The following HIGD2B variants were observed in gnomAD, a reference collection of about 807,000 sequenced individuals.
The protein encoded by HIGD2B is HIG1 domain family member 2B.
For missense variants in HIGD2B, 106 were observed against 67.0 expected (o/e 1.58, Z -2.03); for synonymous variants, 45 against 28.1 (o/e 1.60, Z -1.90).
chr15:72,679,536 C>T (rs1459388202), intron 2 of HIGD2B, among the ~76,000 whole-genome samples: 1 of 152,010 alleles, frequency 6.6e-6, no homozygotes, highest in Admixed American at 6.6e-5. Context: ...GAATGAAAAT[C>T]TCAAGAGGTT....
rs752044026 is a variant in HIGD2B at position 72,676,059 on chromosome 15, G to T, written c.316C>A (p.Pro106Thr). Reference sequence around the variant, plus strand: ...GAGTTTTCAAGACCCTGGGCTCAGGGTGGAGACTTCATAGCGGTGGCAGCT... The same window carrying T: ...GAGTTTTCAAGACCCTGGGCTCAGGTTGGAGACTTCATAGCGGTGGCAGCT... ...GLAATAMKSP[P>T] Residue 106 changes from proline (P) to threonine (T), a missense_variant, in exon 3 of 3, where the codon CCC becomes ACC. Physicochemically the swap from Pro to Thr is conservative, Grantham distance 38. Transcript: ENST00000311755. 6.6e-6 allele frequency: 5 copies of T among 752,766 alleles called. No individual in the cohort carries two copies. The East Asian group carries it at 1.2e-4, about 19-fold the overall frequency. The allele number at this position is 752,766 out of a possible 1,614,324, so 46.6% of individuals were successfully genotyped here. A position where few individuals can be genotyped will look rare whatever the true frequency, so the allele number is the denominator to read the frequency against.
In HIGD2B at chr15:72,676,108, G is replaced by T; in HGVS notation, c.267C>A (p.Thr89=). 3.9e-6 allele frequency: 3 copies of T among 765,582 alleles called. No homozygotes were observed. The highest frequency in any genetic ancestry group is 4.9e-5 in the East Asian group (2 of 41,120). The allele number at this position is 765,582 out of a possible 1,614,324, so 47.4% of individuals were successfully genotyped here. The change falls in exon 3 of 3, where the codon ACC becomes ACA. Residue 89 remains threonine, a synonymous_variant. Transcript: ENST00000311755. ...CTAGACCCAGCAAGATGGCTGCAAT[G>T]GTGAAGCCCTGGGCGGCGATCTGGG... ...MHTQIAAQGF[T]IAAILLGLAA... is the part of the protein sequence containing the mutation.
chr15:72,680,978 G>A (rs1315899664), intron 1 of HIGD2B, among the ~76,000 whole-genome samples: 4 of 152,176 alleles, frequency 2.6e-5, no homozygotes, highest in African/African-American at 7.2e-5. Flanking sequence ...GACAGGATGG[G>A]AATAGCTAAG....
rs754576982 is a variant in HIGD2B at position 72,676,162 on chromosome 15, G to A, written c.213C>T (p.Asn71=). ...GCATCATAAGCCGTGAACATTGGCT[G>A]TTGCCCTGGTGGAAGCAGTAGAGGC... is the stretch of plus-strand genomic sequence containing the variant. The part of the protein sequence containing the change: ...TNGLYCFHQG[N]SQCSRLMMHT... Residue 71 remains asparagine, a synonymous_variant, in exon 3 of 3, where the codon AAC becomes AAT. Transcript: ENST00000311755. 8 of 763,352 alleles carry A rather than the reference G, an allele frequency of 1.0e-5. No homozygotes were observed. Among genetic ancestry groups the A allele is most frequent in the South Asian group, 9.5e-5 (7 of 73,636 alleles). The allele number at this position is 763,352 out of a possible 1,614,324, so 47.3% of individuals were successfully genotyped here.
At chr15:72,684,575 C>T (rs1254000293) in intron 1 of HIGD2B, among the ~76,000 whole-genome samples, 1 of 152,144 alleles carries the variant, frequency 6.6e-6, no homozygotes, top group Non-Finnish European at 1.5e-5. Context: ...GTAACTTCCA[C>T]CTCCTGGATT....
chr15:72,680,350 T>C (rs2064736037), intron 1 of HIGD2B, among the ~76,000 whole-genome samples, 157 bp from the exon 2 acceptor site: 1 of 152,214 alleles, frequency 6.6e-6, no homozygotes, highest in Admixed American at 6.5e-5. Flanking sequence ...CACATCAGCA[T>C]ATATATATGC....
At chr15:72,684,320 A>G (rs956674281) in intron 1 of HIGD2B, among the ~76,000 whole-genome samples, 3 of 152,106 alleles carry the variant, frequency 2.0e-5, no homozygotes, top group African/African-American at 7.2e-5. Flanking sequence ...TAAAGTTACA[A>G]AGACATTTAT....
chr15:72,678,494 G>A (rs1202898472), intron 2 of HIGD2B, among the ~76,000 whole-genome samples: 1 of 151,872 alleles, frequency 6.6e-6, no homozygotes, highest in African/African-American at 2.4e-5. Context: ...TAGAGATGGG[G>A]TCTGGATATA....
At chr15:72,684,558 G>C (rs1204009623) in intron 1 of HIGD2B, among the ~76,000 whole-genome samples, 2 of 152,112 alleles carry the variant, frequency 1.3e-5, no homozygotes, top group Non-Finnish European at 2.9e-5. Context: ...GATGATCTCA[G>C]CTCACTGTAA....
intron 2 of HIGD2B, among the ~76,000 whole-genome samples, chr15:72,676,649 T>G (rs2064696120): frequency 6.6e-6 from 1 of 152,126 alleles, no homozygotes; most frequent in South Asian, 2.1e-4. Flanking sequence ...ACTCCTGACC[T>G]CATGATCTGC....
At chr15:72,677,986 C>CT (rs1181171720) in intron 2 of HIGD2B, among the ~76,000 whole-genome samples, 1 of 152,078 alleles carries the variant, frequency 6.6e-6, no homozygotes, top group Admixed American at 6.6e-5. Context: ...CTGACTTTCC[C>CT]TGTGTCATTA....
chr15:72,686,179 G>T lies in HIGD2B; in HGVS notation c.-554C>A. 20 of 1,544,178 alleles carry T rather than the reference G, an allele frequency of 1.3e-5. No individual in the cohort carries two copies. Among genetic ancestry groups the T allele is most frequent in the Non-Finnish European group, 1.7e-5 (19 of 1,143,932 alleles). On this transcript the variant is annotated 5_prime_UTR_variant, in exon 1 of 3. Coordinates refer to ENST00000311755, the MANE Select transcript of HIGD2B (RefSeq NM_001350932.3). ...CCCTACGACTTCCGCTTGCCTCGTC[G>T]TCTGGGAAACCGCCGACTTCCGGCC...
intron 2 of HIGD2B, among the ~76,000 whole-genome samples, chr15:72,678,255 T>C (rs2064713351): frequency 6.6e-6 from 1 of 152,128 alleles, no homozygotes; most frequent in Non-Finnish European, 1.5e-5. Flanking sequence ...TTGGTAAAGT[T>C]GGAATATAAG....
intron 2 of HIGD2B, among the ~76,000 whole-genome samples, chr15:72,679,526 G>A (rs1283141192): frequency 6.6e-6 from 1 of 152,132 alleles, no homozygotes; most frequent in Non-Finnish European, 1.5e-5. Flanking sequence ...GATTTGGGTA[G>A]AATGAAAATC....
At chr15:72,684,367 G>C (rs1228005442) in intron 1 of HIGD2B, among the ~76,000 whole-genome samples, 2 of 152,164 alleles carry the variant, frequency 1.3e-5, no homozygotes, top group African/African-American at 4.8e-5. Flanking sequence ...ACCTGTTATA[G>C]CTGAAGTGTG....
chr15:72,685,970 A>C lies in HIGD2B; in HGVS notation c.-345T>G. On this transcript the variant is annotated 5_prime_UTR_variant, in exon 1 of 3. An upstream start codon of the reference 5' UTR is lost. Transcript: ENST00000311755. The stretch of plus-strand genomic sequence containing the variant: ...GCCAGCGCGGCCGGAGGTACAGACC[A>C]TGTACAGACCACGGCGAGGGGTGTT... 5.1e-6 allele frequency: 3 copies of C among 588,144 alleles called. No homozygotes were observed. The South Asian group carries it at 5.8e-5, about 11-fold the overall frequency. 36.4% of individuals were successfully genotyped at this position (588,144 alleles called of 1,614,324 possible).
chr15:72,683,043 A>C, intron 1 of HIGD2B: 1 of 183,934 alleles, frequency 5.4e-6, no homozygotes, highest in South Asian at 8.1e-5. Flanking sequence ...CTTTGCTCTG[A>C]AAAAGGAGAC....
intron 2 of HIGD2B, among the ~76,000 whole-genome samples, chr15:72,678,309 T>A (rs180867959): frequency 3.5e-4 from 54 of 152,274 alleles, no homozygotes; most frequent in African/African-American, 1.3e-3. Flanking sequence ...CTTTTCTTTT[T>A]TTTTTAGACA....
intron 2 of HIGD2B, among the ~76,000 whole-genome samples, chr15:72,678,354 G>A (rs1297952971): frequency 6.6e-6 from 1 of 152,060 alleles, no homozygotes; most frequent in African/African-American, 2.4e-5. Flanking sequence ...GGAGTTTGGT[G>A]GCATGATCAA....
Sources: allele counts gnomAD v4.1 joint callset (sites outside exome capture counted in the v4.1 genomes callset), GRCh38; gene constraint gnomAD v4.1.1; transcripts MANE v1.5; gene names NCBI Gene and HGNC (gene_info 2026-07-23, HGNC 2026-07-21).